RNF169: variants seen among roughly 807,000 people sequenced by gnomAD.
The protein encoded by RNF169 is E3 ubiquitin-protein ligase RNF169.
A neutral mutation model predicts 53.9 loss-of-function variants in RNF169; 24 were observed. That is an observed-to-expected ratio of 0.45 (90% CI 0.32 to 0.63). RNF169 has a LOEUF of 0.63. Among genes scored for constraint, RNF169 ranks in the 20% least tolerant of loss-of-function variants. The pLI, the probability that RNF169 is intolerant of heterozygous loss-of-function variation, is 0.04. For synonymous variants in RNF169, 396 were observed against 363.5 expected, an observed-to-expected ratio of 1.09 and a Z score of -1.02; for missense variants, 883 against 906.2, an observed-to-expected ratio of 0.97 and a Z score of 0.33.
chr11:74,820,326 T>C (rs1385296316), intron 4 of RNF169, among the ~76,000 whole-genome samples: 1 of 152,156 alleles, frequency 6.6e-6, no homozygotes, highest in Non-Finnish European at 1.5e-5. Context: ...GAGTTATGCC[T>C]TACCTACAAG....
chr11:74,815,445 A>G (rs1332517483), intron 3 of RNF169, among the ~76,000 whole-genome samples: 1 of 152,010 alleles, frequency 6.6e-6, no homozygotes, highest in East Asian at 1.9e-4. Flanking sequence ...AATCCCAGCT[A>G]CTCAGGAGGC....
At position 74,837,928 on chromosome 11, in the gene RNF169, T is replaced by C. The variant is rs559842618; in HGVS notation, c.*1198T>C. 1.1e-4 allele frequency: 16 copies of C among 152,312 alleles called. No individual in the cohort carries two copies. The highest frequency in any genetic ancestry group is 2.1e-4 in the South Asian group (1 of 4,830). The allele number at this position is 152,312 out of a possible 1,614,324, so 9.4% of individuals were successfully genotyped here. A position where few individuals can be genotyped will look rare whatever the true frequency, so the allele number is the denominator to read the frequency against. On this transcript the variant is annotated 3_prime_UTR_variant, in exon 6 of 6. Transcript: ENST00000299563. ...CTCATTGAGAATAGGGATGAAGATA[T>C]GATTTTAGGGAATTTCTGATGGGCT... is the stretch of plus-strand genomic sequence containing the variant.
chr11:74,813,146 C>G (rs556189469), intron 3 of RNF169, among the ~76,000 whole-genome samples: 1 of 152,344 alleles, frequency 6.6e-6, no homozygotes, highest in Admixed American at 6.5e-5. Flanking sequence ...CAAACCCCCA[C>G]TTTGTAACTT....
chr11:74,826,956 C>G (rs1327055247), intron 4 of RNF169, among the ~76,000 whole-genome samples: 1 of 152,196 alleles, frequency 6.6e-6, no homozygotes, highest in Non-Finnish European at 1.5e-5. Flanking sequence ...ATGGTGTAAG[C>G]TGTCAGTGGA....
intron 1 of RNF169, among the ~76,000 whole-genome samples, chr11:74,762,967 T>G (rs1324408717): frequency 1.3e-5 from 2 of 152,166 alleles, no homozygotes; most frequent in African/African-American, 4.8e-5. Context: ...AACTAAGATT[T>G]CTGCATAAAG....
chr11:74,771,755 A>T (rs973510325), intron 1 of RNF169, among the ~76,000 whole-genome samples: 2 of 152,062 alleles, frequency 1.3e-5, no homozygotes, highest in African/African-American at 4.8e-5. Context: ...TATAAGGTAT[A>T]TATGGTACAT....
At chr11:74,805,723 C>G (rs914077980) in intron 2 of RNF169, among the ~76,000 whole-genome samples, 5 of 152,046 alleles carry the variant, frequency 3.3e-5, no homozygotes, top group African/African-American at 7.3e-5. Flanking sequence ...TTCTTGTTTT[C>G]TGAAGAGTAC....
At chr11:74,835,502 T>C (rs777089477) in intron 5 of RNF169, 44 bp from the exon 6 acceptor site, 1 of 1,421,314 alleles carries the variant, frequency 7.0e-7, no homozygotes. Flanking sequence ...GGAAAATGTA[T>C]ATGTATGTGT....
At chr11:74,799,738 AGCTTTATTTTTTTCT>A (rs1431075878) in intron 2 of RNF169, among the ~76,000 whole-genome samples, 1 of 152,056 alleles carries the variant, frequency 6.6e-6, no homozygotes, top group Non-Finnish European at 1.5e-5. Context: ...AAATTAGAAT[AGCTTTATTTTTTTCT>A]GCTTATGAAC....
At position 74,748,991 on chromosome 11, in the gene RNF169, G is replaced by A; in HGVS notation, c.111G>A (p.Gly37=). Residue 37 remains glycine, a synonymous_variant, in exon 1 of 6, where the codon GGG becomes GGA. Coordinates refer to ENST00000299563, the MANE Select transcript of RNF169 (RefSeq NM_001098638.2). ...ACGAGACGGCGGCAGCTAAGACTGG[G>A]GCCCCAGGCCCGGCTTCTGGACCTT... ...RCDETAAAKT[G]APGPASGPSL... is the part of the protein sequence containing the mutation. 2.7e-6 allele frequency: 4 copies of A among 1,497,530 alleles called. No homozygotes were observed. In the South Asian group the frequency reaches 5.0e-5, roughly 19 times the overall value. 92.8% of individuals were successfully genotyped at this position (1,497,530 alleles called of 1,614,324 possible).
chr11:74,804,811 A>G (rs1442615719), intron 2 of RNF169, among the ~76,000 whole-genome samples: 4 of 152,230 alleles, frequency 2.6e-5, no homozygotes, highest in African/African-American at 9.6e-5. Context: ...AGAAATGTGT[A>G]TCTAACAATG....
intron 2 of RNF169, among the ~76,000 whole-genome samples, chr11:74,806,745 T>A (rs983448972): frequency 2.6e-5 from 4 of 152,092 alleles, no homozygotes; most frequent in Non-Finnish European, 4.4e-5. Flanking sequence ...GTAAAATGAT[T>A]TTTTTTGGTG....
intron 1 of RNF169, among the ~76,000 whole-genome samples, chr11:74,786,079 T>C (rs1165359458): frequency 6.6e-6 from 1 of 151,736 alleles, no homozygotes; most frequent in Non-Finnish European, 1.5e-5. Context: ...TAGCTGGGAC[T>C]ACAGGCACCT....
At chr11:74,833,726 A>G (rs1250912897) in intron 4 of RNF169, among the ~76,000 whole-genome samples, 1 of 152,172 alleles carries the variant, frequency 6.6e-6, no homozygotes. Flanking sequence ...GAACAGACAT[A>G]TATTTAGGCA....
rs1417568611 is a variant in RNF169, at chr11:74,752,950, GTTTTA to G, written c.502+3577_502+3581del. ...AGCTTTCACCAGAATCTGAACCATT[GTTTTA>G]TTTTATTTATTAATTAATTAATTTA... On this transcript the variant is annotated intron_variant, in intron 1 of 5. Transcript: ENST00000299563. 5.3e-5 allele frequency among the ~76,000 whole-genome samples: 8 copies of G among 152,082 alleles called. No individual in the cohort carries two copies. In the South Asian group the frequency reaches 1.0e-3, roughly 20 times the overall value.
At position 74,761,856 on chromosome 11, in the gene RNF169, G is replaced by A. The variant is rs1162545880; in HGVS notation, c.502+12474G>A. Among the ~76,000 whole-genome samples the A allele has an allele frequency of 3.8e-4, 55 of 146,286 alleles. 1 individual carries two copies. In the East Asian group the frequency reaches 0.01, roughly 27 times the overall value. ...CTGAATCTGAACGTTGGCCTGCCTT[G>A]CTAGATTGGGGAAGTTCTCCTGGAT... On this transcript the variant is annotated intron_variant, in intron 1 of 5. Transcript: ENST00000299563.
At position 74,837,425 on chromosome 11, in the gene RNF169, C is replaced by A. The variant is rs983546678; in HGVS notation, c.*695C>A. Reference sequence around the variant, plus strand: ...GCAGATGTTCTGGTTCTCTCAACTACCAAGTGGCATAACCCATGGATTTTC... The same window carrying A: ...GCAGATGTTCTGGTTCTCTCAACTAACAAGTGGCATAACCCATGGATTTTC... On this transcript the variant is annotated 3_prime_UTR_variant, in exon 6 of 6. Transcript: ENST00000299563. The A allele has an allele frequency of 6.6e-6, 1 of 152,228 alleles. No individual in the cohort carries two copies. The highest frequency in any genetic ancestry group is 1.5e-5 in the Non-Finnish European group (1 of 68,058). 9.4% of individuals were successfully genotyped at this position (152,228 alleles called of 1,614,324 possible).
chr11:74,752,669 C>T (rs1295772259), intron 1 of RNF169, among the ~76,000 whole-genome samples: 1 of 150,576 alleles, frequency 6.6e-6, no homozygotes, highest in Non-Finnish European at 1.5e-5. Context: ...TTCAAGTATG[C>T]TTATTTTTTG....
chr11:74,822,043 G>GGTGT (rs564544767), intron 4 of RNF169, among the ~76,000 whole-genome samples: 1 of 150,508 alleles, frequency 6.6e-6, no homozygotes, highest in Non-Finnish European at 1.5e-5. Flanking sequence ...GAGAGAGAGA[G>GGTGT]GTGTGTGTGT....
Sources: gnomAD v4.1 joint callset for allele counts (sites outside exome capture counted in the v4.1 genomes callset) on GRCh38, gnomAD v4.1.1 for gene constraint, MANE v1.5 for transcripts, NCBI Gene and HGNC (gene_info 2026-07-23, HGNC 2026-07-21) for gene names.